The following IPO7 variants were observed in gnomAD, a reference collection of about 807,000 sequenced individuals.
The protein encoded by IPO7 is importin 7.
A neutral mutation model predicts 136.4 loss-of-function variants in IPO7; 13 were observed. The observed-to-expected ratio is 0.10, with a 90% confidence interval of 0.06 to 0.15. IPO7 has a LOEUF of 0.15. Ranked by LOEUF, IPO7 falls within the 10% of genes least tolerant of loss-of-function variation. The pLI is 1.00. For missense variants in IPO7, 857 were observed against 1,240.6 expected, an observed-to-expected ratio of 0.69 and a Z score of 4.65; for synonymous variants, 403 against 404.4, an observed-to-expected ratio of 1.00 and a Z score of 0.04.
chr11:9,412,595 C>T (rs1172035500), intron 4 of IPO7, among the ~76,000 whole-genome samples: 1 of 152,122 alleles, frequency 6.6e-6, no homozygotes, highest in African/African-American at 2.4e-5. Context: ...GCAGGCGAAT[C>T]ACTTGAGCCC....
At chr11:9,438,045 GT>G (rs202038310) in intron 21 of IPO7, 34 bp from the exon 22 acceptor site, 18,727 of 1,079,460 alleles carry the variant, frequency 0.017, 97 homozygotes, top group African/African-American at 0.048. Context: ...AAAGAAAACA[GT>G]TTTTTTTTTT....
At chr11:9,396,689 T>C (rs1854713837) in intron 1 of IPO7, among the ~76,000 whole-genome samples, 1 of 152,246 alleles carries the variant, frequency 6.6e-6, no homozygotes. Context: ...TAGTCTTTTG[T>C]GACTGGCTTC....
intron 12 of IPO7, among the ~76,000 whole-genome samples, chr11:9,428,195 G>T (rs1455331408): frequency 6.6e-6 from 1 of 152,106 alleles, no homozygotes; most frequent in Non-Finnish European, 1.5e-5. Context: ...TTTTTCTCAG[G>T]TTATGTTATT....
At chr11:9,386,549 T>C (rs1417949487) in intron 1 of IPO7, among the ~76,000 whole-genome samples, 14 of 152,228 alleles carry the variant, frequency 9.2e-5, no homozygotes, top group Admixed American at 9.2e-4. Context: ...TGACTAATTA[T>C]ACTTGCATGT....
At chr11:9,415,289 T>C (rs1027353556) in intron 5 of IPO7, among the ~76,000 whole-genome samples, 1 of 150,592 alleles carries the variant, frequency 6.6e-6, no homozygotes, top group Non-Finnish European at 1.5e-5. Context: ...ACCATTGCAC[T>C]CCAGCCTGGG....
chr11:9,429,956 G>A (rs1484006778), intron 15 of IPO7, 122 bp downstream of exon 15: 5 of 626,000 alleles, frequency 8.0e-6, no homozygotes, highest in Middle Eastern at 4.0e-4. Flanking sequence ...ACCTGGGATC[G>A]GTTTCATGGA....
At chr11:9,417,194 A>G (rs1855053601) in intron 6 of IPO7, 46 bp downstream of exon 6, 5 of 850,054 alleles carry the variant, frequency 5.9e-6, no homozygotes, top group Middle Eastern at 2.7e-4. Flanking sequence ...TAAATATTTA[A>G]TGATCTTTTG....
intron 2 of IPO7, among the ~76,000 whole-genome samples, chr11:9,407,551 C>T (rs1854905074): frequency 6.6e-6 from 1 of 152,114 alleles, no homozygotes; most frequent in African/African-American, 2.4e-5. Flanking sequence ...AAGACTCCAT[C>T]TCATAAAAAT....
At chr11:9,429,288 G>A in intron 14 of IPO7, 92 bp downstream of exon 14, 1 of 1,106,194 alleles carries the variant, frequency 9.0e-7, no homozygotes, top group South Asian at 1.5e-5. Context: ...GCTTAGGTGG[G>A]AAGAGCGCTT....
intron 24 of IPO7, among the ~76,000 whole-genome samples, chr11:9,443,779 A>C (rs1018601180): frequency 6.6e-6 from 1 of 152,004 alleles, no homozygotes; most frequent in African/African-American, 2.4e-5. Context: ...GCATGCCTGT[A>C]GTCCCAGCTA....
chr11:9,424,678 G>T (rs144218522), intron 10 of IPO7, among the ~76,000 whole-genome samples: 1,580 of 152,298 alleles, frequency 0.01, 36 homozygotes, highest in African/African-American at 0.037. Flanking sequence ...GGGAGATGGA[G>T]GTTACAATGA....
chr11:9,436,433 T>C (rs1855369640), intron 20 of IPO7, 67 bp downstream of exon 20: 1 of 1,106,190 alleles, frequency 9.0e-7, no homozygotes, highest in East Asian at 2.5e-5. Context: ...TCTTTCTTCA[T>C]TTTTTGGCAT....
At chr11:9,441,927 C>T (rs1273594944) in intron 23 of IPO7, among the ~76,000 whole-genome samples, 154 bp from the exon 24 acceptor site, 1 of 152,088 alleles carries the variant, frequency 6.6e-6, no homozygotes, top group Admixed American at 6.5e-5. Flanking sequence ...TCTGTTGTTT[C>T]ACAAATATGG....
intron 1 of IPO7, 89 bp downstream of exon 1, chr11:9,384,936 C>T (rs1011473997): frequency 8.5e-5 from 86 of 1,007,166 alleles, no homozygotes; most frequent in Non-Finnish European, 1.1e-4. Flanking sequence ...GAGGCGCGGA[C>T]GACGTCGTTG....
At chr11:9,404,826 A>G (rs1397392732) in intron 2 of IPO7, among the ~76,000 whole-genome samples, 1 of 152,102 alleles carries the variant, frequency 6.6e-6, no homozygotes, top group Non-Finnish European at 1.5e-5. Flanking sequence ...TTGGCCTCCC[A>G]AAGTGCTGGG....
intron 16 of IPO7, among the ~76,000 whole-genome samples, chr11:9,431,651 G>T (rs1855295706): frequency 6.6e-6 from 1 of 152,016 alleles, no homozygotes; most frequent in African/African-American, 2.4e-5. Context: ...TTTTCTGTAT[G>T]TTTTAAATAA....
At chr11:9,443,940 A>G (rs1855493050) in intron 24 of IPO7, among the ~76,000 whole-genome samples, 2 of 151,070 alleles carry the variant, frequency 1.3e-5, no homozygotes. Flanking sequence ...GCTCCCAGAC[A>G]TATCTTTTCA....
At chr11:9,403,696 C>T (rs1854833110) in intron 2 of IPO7, among the ~76,000 whole-genome samples, 3 of 152,052 alleles carry the variant, frequency 2.0e-5, no homozygotes, top group South Asian at 2.1e-4. Context: ...CATCTCTTAC[C>T]ACCTTTTTGC....
At chr11:9,424,862 CT>C (rs1855181979) in intron 10 of IPO7, 51 bp from the exon 11 acceptor site, 1 of 1,112,216 alleles carries the variant, frequency 9.0e-7, no homozygotes. Context: ...TTTTTTAATG[CT>C]TTGTTGAAGA....
Sources: gnomAD v4.1 joint callset for allele counts (sites outside exome capture counted in the v4.1 genomes callset) on GRCh38, gnomAD v4.1.1 for gene constraint, MANE v1.5 for transcripts, NCBI Gene and HGNC (gene_info 2026-07-23, HGNC 2026-07-21) for gene names.